C8orf74: variants seen among roughly 807,000 people sequenced by gnomAD.
C8orf74 encodes uncharacterized protein C8orf74.
In C8orf74, 29 loss-of-function variants were observed where a neutral mutation model predicts 22.2. That is an observed-to-expected ratio of 1.31 (90% CI 0.97 to 1.78). C8orf74 has a LOEUF of 1.78. Among genes scored for constraint, C8orf74 ranks in the 40% most tolerant of loss-of-function variants. C8orf74 has a pLI of 0.00. For synonymous variants in C8orf74, 255 were observed against 163.1 expected, an observed-to-expected ratio of 1.56 and a Z score of -4.30; for missense variants, 515 against 369.9, an observed-to-expected ratio of 1.39 and a Z score of -3.22.
chr8:10,694,751 C>G (rs2129058661), intron 2 of C8orf74, among the ~76,000 whole-genome samples: 1 of 152,194 alleles, frequency 6.6e-6, no homozygotes. Context: ...TTTTCTTTTC[C>G]TTTCACAAAT....
chr8:10,700,469 T>C lies in C8orf74; in HGVS notation c.883T>C (p.Ter295GlnextTer9), dbSNP rs1225647877. ...AGGAAAGAAAGCGAAGGCAAGGAAG[T>C]AGAAGGTCCCGACTGCCACACGAGA... ...SKGKKAKARK* is the reference protein window; with the variant it reads ...SKGKKAKARKQ The change falls in exon 4 of 4, where the codon TAG (stop) becomes CAG (glutamine). Residue 295 changes from the stop codon to glutamine (Q), a stop_lost. Transcript: ENST00000304519. The C allele has an allele frequency of 1.3e-6, 2 of 1,563,976 alleles. No homozygotes were observed. Among genetic ancestry groups the C allele is most frequent in the Admixed American group, 1.9e-5 (1 of 52,368 alleles).
At chr8:10,687,103 C>A (rs903087657) in intron 2 of C8orf74, 2 of 456,298 alleles carry the variant, frequency 4.4e-6, no homozygotes, top group East Asian at 1.4e-4. Flanking sequence ...GCCCACACAG[C>A]CCACCAGCTG....
intron 1 of C8orf74, chr8:10,673,839 T>C (rs1409267126): frequency 1.3e-5 from 2 of 152,028 alleles, no homozygotes; most frequent in African/African-American, 4.9e-5. Context: ...AGATGGCTTC[T>C]CAACTCCTCA....
intron 2 of C8orf74, among the ~76,000 whole-genome samples, chr8:10,679,459 C>T (rs1040996578): frequency 6.6e-6 from 1 of 152,202 alleles, no homozygotes; most frequent in Non-Finnish European, 1.5e-5. Flanking sequence ...CCAGCCCTAA[C>T]CTTGATCTTC....
At chr8:10,686,862 T>G (rs1243155774) in intron 2 of C8orf74, among the ~76,000 whole-genome samples, 1 of 152,186 alleles carries the variant, frequency 6.6e-6, no homozygotes, top group Non-Finnish European at 1.5e-5. Context: ...TACCCATAAC[T>G]GGGGACCCAG....
chr8:10,680,211 A>T (rs536318835), intron 2 of C8orf74, among the ~76,000 whole-genome samples: 1 of 152,258 alleles, frequency 6.6e-6, no homozygotes, highest in African/African-American at 2.4e-5. Flanking sequence ...CAAACAGCAA[A>T]CTCTGCAGTC....
chr8:10,674,896 T>C (rs1241505467), intron 2 of C8orf74, 58 bp downstream of exon 2: 6 of 1,410,522 alleles, frequency 4.3e-6, no homozygotes, highest in Non-Finnish European at 5.8e-6. Context: ...TGGGTACACA[T>C]AGAACTCCCC....
chr8:10,698,507 T>C (rs1187985822), intron 3 of C8orf74, among the ~76,000 whole-genome samples: 7 of 152,046 alleles, frequency 4.6e-5, no homozygotes, highest in Non-Finnish European at 1.0e-4. Context: ...CAGGGAGGAC[T>C]TAGGAGGATC....
chr8:10,695,430 C>A (rs566807481), intron 2 of C8orf74, among the ~76,000 whole-genome samples: 16 of 152,246 alleles, frequency 1.1e-4, no homozygotes, highest in Non-Finnish European at 2.2e-4. Flanking sequence ...CATGATGGAG[C>A]AGTCCCTCCT....
intron 2 of C8orf74, 138 bp from the exon 3 acceptor site, chr8:10,697,461 T>C (rs1049689857): frequency 4.4e-6 from 3 of 685,804 alleles, no homozygotes; most frequent in Non-Finnish European, 7.1e-6. Context: ...AAAAAATAAA[T>C]AGAAATAAAT....
At chr8:10,683,455 G>A (rs73666406) in intron 2 of C8orf74, among the ~76,000 whole-genome samples, 5,349 of 152,280 alleles carry the variant, frequency 0.035, 304 homozygotes, top group African/African-American at 0.12. Context: ...GCATCAGAGG[G>A]GACAAGGTAT....
intron 2 of C8orf74, among the ~76,000 whole-genome samples, chr8:10,684,861 G>A (rs1162766789): frequency 6.6e-6 from 1 of 152,192 alleles, no homozygotes; most frequent in African/African-American, 2.4e-5. Flanking sequence ...GCCCTTTGGG[G>A]CCATCATTAA....
chr8:10,674,811 A>T lies in C8orf74; in HGVS notation c.214A>T (p.Thr72Ser), dbSNP rs1264701262. 2 of 1,604,388 alleles carry T rather than the reference A, an allele frequency of 1.2e-6. No homozygotes were observed. Residue 72 changes from threonine to serine, a missense_variant, in exon 2 of 4, where the codon ACA becomes TCA. Physicochemically the swap from Thr to Ser is moderately conservative, Grantham distance 58. Coordinates refer to ENST00000304519, the MANE Select transcript of C8orf74 (RefSeq NM_001040032.2). ...GGAGGTGGCCCAGGTGGTCAAGTTC[A>T]CAGAAGAGCTGCTAAGGGAAACCAA... ...WVEVAQVVKF[T>S]EELLRETKGC...
chr8:10,686,737 G>T (rs1799269233), intron 2 of C8orf74: 2 of 158,818 alleles, frequency 1.3e-5, no homozygotes, highest in African/African-American at 4.8e-5. Context: ...TTTGGATTTG[G>T]GAAGTCTGGC....
intron 1 of C8orf74, among the ~76,000 whole-genome samples, 169 bp from the exon 2 acceptor site, chr8:10,674,477 A>G (rs113006569): frequency 1.1e-3 from 6 of 5,266 alleles, no homozygotes; most frequent in African/African-American, 2.0e-3. Context: ...ATGCCCTGCA[A>G]CCCCCATATC....
intron 2 of C8orf74, among the ~76,000 whole-genome samples, chr8:10,676,646 G>C (rs1481137729): frequency 6.6e-6 from 1 of 152,056 alleles, no homozygotes; most frequent in Non-Finnish European, 1.5e-5. Context: ...CAGCCTAAAG[G>C]CTAGAGCGAG....
chr8:10,700,157 T>A, intron 3 of C8orf74, 78 bp from the exon 4 acceptor site: 1 of 931,398 alleles, frequency 1.1e-6, no homozygotes, highest in Non-Finnish European at 1.6e-6. Context: ...TTCTCGTACC[T>A]GCAACAGGGG....
intron 2 of C8orf74, among the ~76,000 whole-genome samples, chr8:10,694,918 G>C (rs557672692): frequency 6.6e-6 from 1 of 151,836 alleles, no homozygotes; most frequent in Non-Finnish European, 1.5e-5. Context: ...ATGGGTGGAC[G>C]GATGGATGGA....
intron 2 of C8orf74, among the ~76,000 whole-genome samples, chr8:10,676,023 G>A (rs1799025049): frequency 6.6e-6 from 1 of 152,130 alleles, no homozygotes; most frequent in Non-Finnish European, 1.5e-5. Flanking sequence ...GGGTCGTGAT[G>A]ATGAATGTTC....
Sources: allele counts gnomAD v4.1 joint callset (sites outside exome capture counted in the v4.1 genomes callset), GRCh38; gene constraint gnomAD v4.1.1; transcripts MANE v1.5; gene names NCBI Gene and HGNC (gene_info 2026-07-23, HGNC 2026-07-21).